The following EXOC1 variants were observed in gnomAD, a reference collection of about 807,000 sequenced individuals.
The protein encoded by EXOC1 is SEC3-like 1.
A neutral mutation model predicts 107.7 loss-of-function variants in EXOC1; 67 were observed. The ratio of observed to expected loss-of-function variants is 0.62; its 90% CI spans 0.51 to 0.76. The LOEUF is 0.76. Among genes scored for constraint, EXOC1 ranks in the 30% least tolerant of loss-of-function variants. The probability of loss-of-function intolerance (pLI) is 0.00; values close to 1 mark genes in which losing one functional copy is unlikely to be tolerated. For synonymous variants in EXOC1, 348 were observed against 353.5 expected, an observed-to-expected ratio of 0.98 and a Z score of 0.17; for missense variants, 833 against 1,055.7, an observed-to-expected ratio of 0.79 and a Z score of 2.92.
At chr4:55,904,304 T>C (rs780981051) in intron 18 of EXOC1, 39 bp from the exon 19 acceptor site, 2 of 1,551,716 alleles carry the variant, frequency 1.3e-6, no homozygotes, top group Admixed American at 1.9e-5. Context: ...TACATATTAT[T>C]TCCATTCATA....
At chr4:55,873,153 A>C (rs890326952) in intron 8 of EXOC1, among the ~76,000 whole-genome samples, 10 of 152,246 alleles carry the variant, frequency 6.6e-5, no homozygotes, top group African/African-American at 2.2e-4. Context: ...AACTTGGGAT[A>C]AATGAGAGAC....
chr4:55,901,676 CTT>C (rs1725939577), intron 17 of EXOC1, among the ~76,000 whole-genome samples: 1 of 151,944 alleles, frequency 6.6e-6, no homozygotes, highest in African/African-American at 2.4e-5. Context: ...AAATGACAAA[CTT>C]TTTTTACTCT....
At chr4:55,888,479 A>T (rs1162703711) in intron 10 of EXOC1, among the ~76,000 whole-genome samples, 2 of 152,140 alleles carry the variant, frequency 1.3e-5, no homozygotes, top group African/African-American at 2.4e-5. Flanking sequence ...GATTGTTGAC[A>T]TCTAAATCTG....
At position 55,870,897 on chromosome 4, in the gene EXOC1, T is replaced by G; in HGVS notation, c.823T>G (p.Phe275Val). ...NNVKLLSEIE[F>V]LVNHMDLAKG... ...TGTAAAACTCCTATCTGAGATAGAG[T>G]TCCTTGTGGTAAGTATGATCATAAA... The change falls in exon 6 of 19, where the codon TTC becomes GTC. Residue 275 changes from phenylalanine (F) to valine (V), a missense_variant. Coordinates refer to ENST00000381295, the MANE Select transcript of EXOC1 (RefSeq NM_001024924.2). 6.2e-7 allele frequency: 1 copy of G among 1,612,100 alleles called. No individual in the cohort carries two copies. The highest frequency in any genetic ancestry group is 8.5e-7 in the Non-Finnish European group (1 of 1,178,864).
chr4:55,899,795 G>A lies in EXOC1; in HGVS notation c.2248G>A (p.Ala750Thr). Reference protein sequence around the residue: ...LSRLKISCLEAEKKEAKQKYT... With the variant: ...LSRLKISCLETEKKEAKQKYT... ...TCGATTGAAAATCTCATGTCTAGAA[G>A]CAGAAAAAAAAGAAGCCAAACAAAA... Residue 750 changes from alanine to threonine, a missense_variant, in exon 17 of 19, where the codon GCA becomes ACA. This residue lies in a region of EXOC1 where 216 missense variants were observed against 354.4 expected (regional missense o/e 0.61). Coordinates refer to ENST00000381295, the MANE Select transcript of EXOC1 (RefSeq NM_001024924.2). 6.2e-7 allele frequency: 1 copy of A among 1,613,072 alleles called. No individual in the cohort carries two copies. The highest frequency in any genetic ancestry group is 8.5e-7 in the Non-Finnish European group (1 of 1,179,558).
At chr4:55,901,181 A>G (rs374782653) in intron 17 of EXOC1, among the ~76,000 whole-genome samples, 6 of 152,328 alleles carry the variant, frequency 3.9e-5, no homozygotes, top group South Asian at 2.1e-4. Flanking sequence ...AGATATGGAA[A>G]ACAGAGACGA....
At chr4:55,858,131 A>T (rs772065031) in intron 1 of EXOC1, among the ~76,000 whole-genome samples, 183 bp from the exon 2 acceptor site, 23 of 152,078 alleles carry the variant, frequency 1.5e-4, no homozygotes, top group Non-Finnish European at 2.5e-4. Flanking sequence ...GTTTGATAAC[A>T]CTGGTTCTCT....
rs1003739639 is a variant in EXOC1, at chr4:55,876,886, A to T, written c.1075-1031A>T. On this transcript the variant is annotated intron_variant, in intron 8 of 18. Transcript: ENST00000381295. ...AAAATTTTCCAACAGACTGATTTGA[A>T]AACATTTATGAAGAAGGGACATGGA... 13 of 985,230 alleles carry T rather than the reference A, an allele frequency of 1.3e-5. No individual in the cohort carries two copies. In the African/African-American group the frequency reaches 2.1e-4, roughly 16 times the overall value. The allele number at this position is 985,230 out of a possible 1,614,324, so 61.0% of individuals were successfully genotyped here. A position where few individuals can be genotyped will look rare whatever the true frequency, so the allele number is the denominator to read the frequency against.
intron 4 of EXOC1, among the ~76,000 whole-genome samples, chr4:55,864,678 T>A (rs1421681926): frequency 6.6e-6 from 1 of 152,220 alleles, no homozygotes; most frequent in East Asian, 1.9e-4. Flanking sequence ...AAATTTACAT[T>A]ATGTTTTCTA....
chr4:55,902,073 A>G (rs1284088990), intron 17 of EXOC1: 2 of 215,270 alleles, frequency 9.3e-6, no homozygotes, highest in East Asian at 9.1e-5. Flanking sequence ...ATTAAAATTT[A>G]TATTTAGGAA....
In EXOC1 at chr4:55,871,100, G is replaced by C; in HGVS notation, c.832-1G>C. On this transcript the variant is annotated splice_acceptor_variant, in intron 6 of 18. Coordinates refer to ENST00000381295, the MANE Select transcript of EXOC1 (RefSeq NM_001024924.2). LOFTEE classifies it high-confidence loss of function. ...AAATGGTGTGTTTGCATATATTCTAGAACCACATGGACTTGGCCAAAGGTC... is the reference window on the plus strand; with the variant it reads ...AAATGGTGTGTTTGCATATATTCTACAACCACATGGACTTGGCCAAAGGTC... 1 of 1,612,980 alleles carries C rather than the reference G, an allele frequency of 6.2e-7. No homozygotes were observed. The highest frequency in any genetic ancestry group is 8.5e-7 in the Non-Finnish European group (1 of 1,179,562).
Position 55,893,667 on chromosome 4 carries a change from G to A in EXOC1, c.1840G>A (p.Val614Ile), listed in dbSNP as rs891295290. 6.2e-7 allele frequency: 1 copy of A among 1,614,080 alleles called. No individual in the cohort carries two copies. Among genetic ancestry groups the A allele is most frequent in the Admixed American group, 1.7e-5 (1 of 60,030 alleles). Residue 614 changes from valine (V) to isoleucine (I), a missense_variant, in exon 15 of 19, where the codon GTC becomes ATC. Val to Ile is a conservative substitution (Grantham distance 29). Transcript: ENST00000381295. Reference sequence around the variant, plus strand: ...TAGCTTTAACTCTCTTTATATGTTAGTCAAAATGAGTCATCATGTGTGGAC... The same window carrying A: ...TAGCTTTAACTCTCTTTATATGTTAATCAAAATGAGTCATCATGTGTGGAC... ...IDSFNSLYML[V>I]KMSHHVWTAQ...
intron 16 of EXOC1, among the ~76,000 whole-genome samples, chr4:55,898,311 T>G (rs1577783722): frequency 6.6e-6 from 1 of 152,180 alleles, no homozygotes; most frequent in African/African-American, 2.4e-5. Context: ...TATAAATCTT[T>G]ATAAACTAAA....
intron 11 of EXOC1, 97 bp from the exon 12 acceptor site, chr4:55,890,126 G>T: frequency 8.3e-7 from 1 of 1,210,356 alleles, no homozygotes; most frequent in South Asian, 1.4e-5. Context: ...AGCCCTGGAA[G>T]ATCAAGCCAG....
At chr4:55,878,385 A>T (rs1328231086) in intron 9 of EXOC1, among the ~76,000 whole-genome samples, 7 of 152,166 alleles carry the variant, frequency 4.6e-5, no homozygotes, top group Non-Finnish European at 1.0e-4. Context: ...CAAGTGAGGT[A>T]TTTGCCCTCT....
chr4:55,862,056 CA>C (rs5858352), intron 3 of EXOC1, among the ~76,000 whole-genome samples: 1 of 144,052 alleles, frequency 6.9e-6, no homozygotes, highest in African/African-American at 2.5e-5. Flanking sequence ...TCTGTCTCCA[CA>C]AAAAAAAACA....
At chr4:55,880,620 A>C (rs947055027) in intron 9 of EXOC1, among the ~76,000 whole-genome samples, 2 of 152,204 alleles carry the variant, frequency 1.3e-5, no homozygotes, top group Non-Finnish European at 2.9e-5. Context: ...TGAATATTCA[A>C]ATAAGTAATC....
chr4:55,873,870 A>G (rs1399393348), intron 8 of EXOC1, among the ~76,000 whole-genome samples: 1 of 152,154 alleles, frequency 6.6e-6, no homozygotes, highest in African/African-American at 2.4e-5. Context: ...CTCTTTGGCA[A>G]TCACAGAATT....
chr4:55,887,725 CAA>C (rs754950176), intron 10 of EXOC1, among the ~76,000 whole-genome samples: 80 of 96,894 alleles, frequency 8.3e-4, no homozygotes, highest in Admixed American at 1.1e-3. Flanking sequence ...GATCCTGCCT[CAA>C]AAAAAAAAAA....
Sources: gnomAD v4.1 joint callset for allele counts (sites outside exome capture counted in the v4.1 genomes callset) on GRCh38, gnomAD v4.1.1 for gene constraint, gnomAD v4.1.1 regional missense constraint, MANE v1.5 for transcripts, NCBI Gene and HGNC (gene_info 2026-07-23, HGNC 2026-07-21) for gene names.